LEO1: variants seen among roughly 807,000 people sequenced by gnomAD.
LEO1 encodes LEO1 component of Paf1/RNA polymerase II complex.
In LEO1, 34 loss-of-function variants were observed where a neutral mutation model predicts 80.4. That is an observed-to-expected ratio of 0.42 (90% CI 0.32 to 0.56). The LOEUF is 0.56. LEO1 is among the 20% of genes least tolerant of loss of function. The pLI is 0.10. For missense variants in LEO1, 631 were observed against 814.2 expected (o/e 0.77, Z 2.74); for synonymous variants, 262 against 274.9 (o/e 0.95, Z 0.46).
chr15:51,971,762 T>C lies in LEO1; in HGVS notation c.-17A>G, dbSNP rs531942893. 5.6e-6 allele frequency: 9 copies of C among 1,614,098 alleles called. No individual in the cohort carries two copies. In the South Asian group the frequency reaches 6.6e-5, roughly 12 times the overall value. On this transcript the variant is annotated 5_prime_UTR_variant, in exon 1 of 12. Coordinates refer to ENST00000299601, the MANE Select transcript of LEO1 (RefSeq NM_138792.4). The stretch of plus-strand genomic sequence containing the variant: ...ATCCGCCATTATCGCTCACGTCCGC[T>C]GCTGCCTCGGTTAGGGGCAGCTCCC...
intron 9 of LEO1, among the ~76,000 whole-genome samples, chr15:51,950,898 G>C (rs2056943770): frequency 6.6e-6 from 1 of 152,196 alleles, no homozygotes; most frequent in Non-Finnish European, 1.5e-5. Flanking sequence ...ACTGGAATCT[G>C]CAGGTTCCTC....
intron 5 of LEO1, among the ~76,000 whole-genome samples, chr15:51,959,057 C>T (rs1163157507): frequency 6.7e-6 from 1 of 149,976 alleles, no homozygotes; most frequent in Non-Finnish European, 1.5e-5. Context: ...GGCTGGAGTG[C>T]AATGGCACGA....
chr15:51,960,780 A>C, intron 3 of LEO1, 47 bp from the exon 4 acceptor site: 1 of 1,114,896 alleles, frequency 9.0e-7, no homozygotes, highest in Non-Finnish European at 1.4e-6. Flanking sequence ...TCTGTAACTA[A>C]GGTTCTTCAC....
intron 11 of LEO1, among the ~76,000 whole-genome samples, chr15:51,946,583 TCTCA>T (rs1166724650): frequency 1.3e-5 from 2 of 150,772 alleles, no homozygotes; most frequent in African/African-American, 2.4e-5. Flanking sequence ...TGAGACAGGG[TCTCA>T]CTCTTTTGCC....
At chr15:51,966,848 T>A (rs922186149) in intron 1 of LEO1, among the ~76,000 whole-genome samples, 9 of 151,874 alleles carry the variant, frequency 5.9e-5, no homozygotes, top group African/African-American at 1.9e-4. Flanking sequence ...GAGGCAGAAG[T>A]TGCAGTGAGC....
At chr15:51,949,100 G>A (rs1251134933) in intron 10 of LEO1, among the ~76,000 whole-genome samples, 5 of 152,146 alleles carry the variant, frequency 3.3e-5, no homozygotes, top group Admixed American at 2.0e-4. Flanking sequence ...TTCAGTATGT[G>A]TGGAAAAAAC....
Position 51,938,215 on chromosome 15 carries a change from C to G in LEO1, c.1942G>C (p.Ala648Pro). The change falls in exon 12 of 12, where the codon GCA (alanine) becomes CCA (proline). Residue 648 changes from alanine to proline, a missense_variant. Ala to Pro is a conservative substitution (Grantham distance 27). Around this residue, in one of 4 missense-constraint regions of LEO1, gnomAD observed 117 missense variants for 163.5 expected, o/e 0.72. Coordinates refer to ENST00000299601, the MANE Select transcript of LEO1 (RefSeq NM_138792.4). ...ACATACTTCTTATGCTTTTTATTTG[C>G]TTTATCATCATCTTCTGCTTTTCTC... The part of the protein sequence containing the change: ...GKRKAEDDDK[A>P]NKKHKKYVIS... The G allele has an allele frequency of 6.2e-7, 1 of 1,610,668 alleles. No individual in the cohort carries two copies. The highest frequency in any genetic ancestry group is 8.5e-7 in the Non-Finnish European group (1 of 1,178,034).
chr15:51,940,126 A>G, intron 11 of LEO1, among the ~76,000 whole-genome samples: 1 of 150,610 alleles, frequency 6.6e-6, no homozygotes, highest in South Asian at 2.1e-4. Flanking sequence ...GTGGTGGCGC[A>G]TGCCTGTAAT....
In LEO1 at chr15:51,939,960, G is replaced by C. The variant is rs142090050; in HGVS notation, c.1897-1700C>G. Among the ~76,000 whole-genome samples the C allele has an allele frequency of 7.1e-4, 108 of 152,294 alleles. 4 individuals are homozygous for C. In the East Asian group the frequency reaches 0.02, roughly 28 times the overall value. ...AAGCTGTGAAATTCTGCTTTAGAAA[G>C]CCTGCCAAGGACCGGCCGGGCGCGA... is the stretch of plus-strand genomic sequence containing the variant. On this transcript the variant is annotated intron_variant, in intron 11 of 11. Coordinates refer to ENST00000299601, the MANE Select transcript of LEO1 (RefSeq NM_138792.4).
At chr15:51,971,433 C>T (rs2057121986) in intron 1 of LEO1, among the ~76,000 whole-genome samples, 1 of 152,252 alleles carries the variant, frequency 6.6e-6, no homozygotes, top group Admixed American at 6.5e-5. Context: ...TCCACCCATG[C>T]CCCGCGCCCC....
rs190261264 is a variant in LEO1, at chr15:51,957,621, G to T, written c.1245+1121C>A. ...TTGGATAGAAACCATCTTATATCAA[G>T]GTTATTTAGGTAGTTGTTAATATAC... is the stretch of plus-strand genomic sequence containing the variant. On this transcript the variant is annotated intron_variant, in intron 6 of 11. Coordinates refer to ENST00000299601, the MANE Select transcript of LEO1 (RefSeq NM_138792.4). Among the ~76,000 whole-genome samples, 634 of 152,240 alleles carry T rather than the reference G, an allele frequency of 4.2e-3. 4 individuals are homozygous for T. The highest frequency in any genetic ancestry group is 6.5e-3 in the Non-Finnish European group (442 of 68,024).
intron 11 of LEO1, 140 bp from the exon 12 acceptor site, chr15:51,938,400 G>A: frequency 1.7e-6 from 1 of 603,946 alleles, no homozygotes; most frequent in Non-Finnish European, 2.9e-6. Context: ...AGATTGTGAG[G>A]TGTCAGCAAC....
chr15:51,971,234 T>C (rs1030910008), intron 1 of LEO1, among the ~76,000 whole-genome samples: 3 of 152,172 alleles, frequency 2.0e-5, no homozygotes, highest in African/African-American at 7.2e-5. Flanking sequence ...AAGCTCCCTA[T>C]CACACCATGC....
At chr15:51,941,613 ACCGGC>A (rs2056853176) in intron 11 of LEO1, among the ~76,000 whole-genome samples, 1 of 152,210 alleles carries the variant, frequency 6.6e-6, no homozygotes, top group Non-Finnish European at 1.5e-5. Flanking sequence ...AGAACAGAGT[ACCGGC>A]ACACACTTTC....
chr15:51,945,753 G>A (rs889290375), intron 11 of LEO1, among the ~76,000 whole-genome samples: 1 of 152,088 alleles, frequency 6.6e-6, no homozygotes, highest in Non-Finnish European at 1.5e-5. Flanking sequence ...AAGAAAAAGA[G>A]GCCAGGCGCA....
chr15:51,950,069 A>ATGCTATTTGT, intron 9 of LEO1, 75 bp from the exon 10 acceptor site: 2 of 1,221,814 alleles, frequency 1.6e-6, no homozygotes, highest in Non-Finnish European at 2.3e-6. Flanking sequence ...CTTTTATTAC[A>ATGCTATTTGT]AATAGCATGT....
chr15:51,944,264 A>C (rs569575875), intron 11 of LEO1, among the ~76,000 whole-genome samples: 186 of 152,330 alleles, frequency 1.2e-3, no homozygotes, highest in African/African-American at 4.0e-3. Context: ...CTGGCTTCTC[A>C]TCAGAACAAT....
At chr15:51,957,615 T>C (rs1008960192) in intron 6 of LEO1, among the ~76,000 whole-genome samples, 2 of 152,240 alleles carry the variant, frequency 1.3e-5, no homozygotes, top group East Asian at 3.8e-4. Flanking sequence ...AACCATCTTA[T>C]ATCAAGGTTA....
intron 10 of LEO1, 66 bp from the exon 11 acceptor site, chr15:51,947,455 GC>G: frequency 1.7e-6 from 2 of 1,146,190 alleles, no homozygotes; most frequent in Non-Finnish European, 2.6e-6. Flanking sequence ...TTGCTTTGAG[GC>G]CCAGGCTGGA....
Sources: allele counts gnomAD v4.1 joint callset (sites outside exome capture counted in the v4.1 genomes callset), GRCh38; gene constraint gnomAD v4.1.1; regional missense constraint gnomAD v4.1.1; transcripts MANE v1.5; gene names NCBI Gene and HGNC (gene_info 2026-07-23, HGNC 2026-07-21).